The following GNAI1 variants were observed in gnomAD, a reference collection of about 807,000 sequenced individuals.
The protein encoded by GNAI1 is G protein subunit alpha i1, also known as guanine nucleotide-binding protein G(i) subunit alpha-1.
A neutral mutation model predicts 38.9 loss-of-function variants in GNAI1; 11 were observed. The ratio of observed to expected loss-of-function variants is 0.28; its 90% CI spans 0.18 to 0.47. GNAI1 has a LOEUF of 0.47. Ranked by LOEUF, GNAI1 falls within the 20% of genes least tolerant of loss-of-function variation. The pLI, the probability that GNAI1 is intolerant of heterozygous loss-of-function variation, is 0.99. For missense variants in GNAI1, 317 were observed against 436.9 expected (o/e 0.73, Z 2.45); for synonymous variants, 166 against 145.1 (o/e 1.14, Z -1.04).
At chr7:80,203,272 A>G (rs1280592892) in intron 4 of GNAI1, among the ~76,000 whole-genome samples, 3 of 152,198 alleles carry the variant, frequency 2.0e-5, no homozygotes, top group East Asian at 1.9e-4. Flanking sequence ...TTTCATCACT[A>G]CTTGCTCCAA....
intron 1 of GNAI1, among the ~76,000 whole-genome samples, chr7:80,188,256 A>G (rs1788422733): frequency 6.6e-6 from 1 of 152,130 alleles, no homozygotes. Flanking sequence ...ACTGCTGCCT[A>G]TTTCACAAGA....
chr7:80,193,552 C>T (rs560245636), intron 3 of GNAI1, among the ~76,000 whole-genome samples: 7 of 152,084 alleles, frequency 4.6e-5, no homozygotes, highest in Non-Finnish European at 8.8e-5. Context: ...GATTATGTTT[C>T]TAATGAAGTA....
At chr7:80,148,534 A>G (rs1409372331) in intron 1 of GNAI1, among the ~76,000 whole-genome samples, 1 of 77,012 alleles carries the variant, frequency 1.3e-5, no homozygotes, top group Non-Finnish European at 3.3e-5. Context: ...TTAAAATTAA[A>G]AAAAAAACAA....
At chr7:80,140,053 C>A (rs926638001) in intron 1 of GNAI1, among the ~76,000 whole-genome samples, 1 of 150,890 alleles carries the variant, frequency 6.6e-6, no homozygotes, top group East Asian at 2.0e-4. Context: ...GCGCAGTCTC[C>A]GCTCACTGCA....
intron 5 of GNAI1, among the ~76,000 whole-genome samples, chr7:80,204,381 C>T (rs938543706): frequency 6.6e-6 from 1 of 152,026 alleles, no homozygotes; most frequent in Non-Finnish European, 1.5e-5. Flanking sequence ...CAGAAAAGCA[C>T]CGAATCGTAG....
At chr7:80,194,890 T>C (rs1788542097) in intron 3 of GNAI1, among the ~76,000 whole-genome samples, 1 of 152,034 alleles carries the variant, frequency 6.6e-6, no homozygotes, top group Non-Finnish European at 1.5e-5. Flanking sequence ...CTTGTTACTT[T>C]TACTTGCTTT....
Position 80,135,268 on chromosome 7 carries a change from G to A in GNAI1, c.108G>A (p.Leu36=), listed in dbSNP as rs1787388772. 1 of 1,502,856 alleles carries A rather than the reference G, an allele frequency of 6.7e-7. No individual in the cohort carries two copies. Among genetic ancestry groups the A allele is most frequent in the African/African-American group, 1.4e-5 (1 of 69,606 alleles). The allele number at this position is 1,502,856 out of a possible 1,614,324, so 93.1% of individuals were successfully genotyped here. A position where few individuals can be genotyped will look rare whatever the true frequency, so the allele number is the denominator to read the frequency against. Residue 36 remains leucine, a synonymous_variant, in exon 1 of 8, where the codon CTG becomes CTA. Coordinates refer to ENST00000649796, the MANE Select transcript of GNAI1 (RefSeq NM_002069.6). ...DGEKAAREVK[L]LLLGAGESGK... is the part of the protein sequence containing the mutation. Reference sequence around the variant, plus strand: ...AGAAGGCGGCGCGCGAGGTCAAGCTGCTGCTGCTCGGTAAGGGCGGCCGGG... The same window carrying A: ...AGAAGGCGGCGCGCGAGGTCAAGCTACTGCTGCTCGGTAAGGGCGGCCGGG...
intron 1 of GNAI1, among the ~76,000 whole-genome samples, chr7:80,172,240 TC>T (rs760945781): frequency 1.8e-4 from 27 of 152,154 alleles, no homozygotes; most frequent in Non-Finnish European, 3.5e-4. Flanking sequence ...TGGGTCCAGT[TC>T]TAGAAATGCC....
chr7:80,182,754 A>G lies in GNAI1; in HGVS notation c.119-6197A>G, dbSNP rs546878611. Among the ~76,000 whole-genome samples, 3 of 152,152 alleles carry G rather than the reference A, an allele frequency of 2.0e-5. No individual in the cohort carries two copies. The East Asian group carries it at 5.8e-4, about 29-fold the overall frequency. ...GAGATTGAAAAGACAAAAGACCCTCACCCCTTTATACATTACAGCCTATTC... is the reference window on the plus strand; with the variant it reads ...GAGATTGAAAAGACAAAAGACCCTCGCCCCTTTATACATTACAGCCTATTC... On this transcript the variant is annotated intron_variant, in intron 1 of 7. Coordinates refer to ENST00000649796, the MANE Select transcript of GNAI1 (RefSeq NM_002069.6).
At chr7:80,140,193 C>G (rs1166384633) in intron 1 of GNAI1, among the ~76,000 whole-genome samples, 1 of 151,946 alleles carries the variant, frequency 6.6e-6, no homozygotes, top group African/African-American at 2.4e-5. Context: ...ACCGTGTTAG[C>G]CCGAGTGGTG....
intron 3 of GNAI1, among the ~76,000 whole-genome samples, chr7:80,193,956 T>TC (rs1788525043): frequency 6.6e-6 from 1 of 152,148 alleles, no homozygotes; most frequent in South Asian, 2.1e-4. Context: ...AAATAAGTTT[T>TC]CCCCCTAAGC....
intron 3 of GNAI1, among the ~76,000 whole-genome samples, chr7:80,190,690 CTAATTA>C (rs1171349086): frequency 6.6e-6 from 1 of 152,102 alleles, no homozygotes. Flanking sequence ...TACACCAATT[CTAATTA>C]TAAACTTTTA....
At chr7:80,215,606 C>T (rs1788954051) in intron 7 of GNAI1, among the ~76,000 whole-genome samples, 1 of 152,084 alleles carries the variant, frequency 6.6e-6, no homozygotes, top group African/African-American at 2.4e-5. Flanking sequence ...ACACTGGATT[C>T]TATAAGATAT....
chr7:80,156,621 G>A lies in GNAI1; in HGVS notation c.118+21343G>A, dbSNP rs1787823172. On this transcript the variant is annotated intron_variant, in intron 1 of 7. Coordinates refer to ENST00000649796, the MANE Select transcript of GNAI1 (RefSeq NM_002069.6). ...TTTTTTAATTTTTTATTTCGTAGAG[G>A]TGGTATCTTGCTCTGTTTCCCAGGC... is the stretch of plus-strand genomic sequence containing the variant. Among the ~76,000 whole-genome samples the A allele has an allele frequency of 1.1e-4, 16 of 151,972 alleles. 1 individual carries two copies. In the South Asian group the frequency reaches 3.3e-3, roughly 32 times the overall value.
intron 1 of GNAI1, among the ~76,000 whole-genome samples, chr7:80,162,659 C>A (rs968412661): frequency 6.6e-6 from 1 of 152,170 alleles, no homozygotes; most frequent in African/African-American, 2.4e-5. Context: ...TACGAAGAAA[C>A]CCTCCTTGGG....
rs2115748359 is a variant in GNAI1, at chr7:80,224,242, GCT to G, written c.*6753_*6754del. Among the ~76,000 whole-genome samples, 1 of 152,248 alleles carries G rather than the reference GCT, an allele frequency of 6.6e-6. No individual in the cohort carries two copies. Among genetic ancestry groups the G allele is most frequent in the Non-Finnish European group, 1.5e-5 (1 of 68,012 alleles). On this transcript the variant is annotated 3_prime_UTR_variant, in exon 8 of 8. Coordinates refer to ENST00000649796, the MANE Select transcript of GNAI1 (RefSeq NM_002069.6). ...GTACTTTTCTGGGTACCTTACTAAT[GCT>G]CTCATTTAGTCATCAGAGCAGTCCT...
At chr7:80,216,160 ATAT>A (rs902181974) in intron 7 of GNAI1, among the ~76,000 whole-genome samples, 2 of 151,240 alleles carry the variant, frequency 1.3e-5, no homozygotes, top group African/African-American at 4.9e-5. Context: ...GTATATTATA[ATAT>A]TATGTACATA....
rs939090198 is a variant in GNAI1, at chr7:80,221,747, A to G, written c.*4254A>G. ...AACCTCCAACTCCATGGTTCAAGCAATTGTCCTGCCTCAGCCTCCCGAGTA... is the reference window on the plus strand; with the variant it reads ...AACCTCCAACTCCATGGTTCAAGCAGTTGTCCTGCCTCAGCCTCCCGAGTA... On this transcript the variant is annotated 3_prime_UTR_variant, in exon 8 of 8. Transcript: ENST00000649796. 2.5e-4 allele frequency among the ~76,000 whole-genome samples: 37 copies of G among 148,368 alleles called. No homozygotes were observed. The highest frequency in any genetic ancestry group is 7.5e-4 in the African/African-American group (30 of 39,802).
intron 1 of GNAI1, among the ~76,000 whole-genome samples, chr7:80,170,679 C>T (rs1202298169): frequency 6.6e-6 from 1 of 152,036 alleles, no homozygotes. Context: ...GTGATATATA[C>T]TTGTAAGAAA....
Sources: allele counts gnomAD v4.1 joint callset (sites outside exome capture counted in the v4.1 genomes callset), GRCh38; gene constraint gnomAD v4.1.1; transcripts MANE v1.5; gene names NCBI Gene and HGNC (gene_info 2026-07-23, HGNC 2026-07-21).